Variants in CTIF observed in about 807,000 individuals in gnomAD.
The protein encoded by CTIF is cap binding complex dependent translation initiation factor.
A neutral mutation model predicts 66.0 loss-of-function variants in CTIF; 21 were observed. The ratio of observed to expected loss-of-function variants is 0.32; its 90% CI spans 0.23 to 0.46. CTIF has a LOEUF of 0.46. Ranked by LOEUF, CTIF falls within the 20% of genes least tolerant of loss-of-function variation. The probability of loss-of-function intolerance (pLI) is 1.00; values close to 1 mark genes in which losing one functional copy is unlikely to be tolerated. For missense variants in CTIF, 739 were observed against 812.7 expected (o/e 0.91, Z 1.10); for synonymous variants, 345 against 326.4 (o/e 1.06, Z -0.62).
At chr18:48,767,378 G>A (rs17766055) in intron 9 of CTIF, among the ~76,000 whole-genome samples, 19,559 of 152,118 alleles carry the variant, frequency 0.13, 1,407 homozygotes, top group Non-Finnish European at 0.17. Context: ...TCACTGCCCC[G>A]GGACGTCCAC....
At chr18:48,625,996 CTTTCTT>C (rs1263330717) in intron 2 of CTIF, among the ~76,000 whole-genome samples, 11 of 114,486 alleles carry the variant, frequency 9.6e-5, no homozygotes, top group African/African-American at 3.9e-4. Flanking sequence ...ATTTCTTTTT[CTTTCTT>C]TTTTTTTTTT....
intron 7 of CTIF, among the ~76,000 whole-genome samples, chr18:48,716,650 G>A (rs2092285102): frequency 6.6e-6 from 1 of 152,100 alleles, no homozygotes; most frequent in Admixed American, 6.5e-5. Context: ...TACATAGAAG[G>A]GAAAAGCCAC....
intron 9 of CTIF, among the ~76,000 whole-genome samples, chr18:48,784,329 G>C (rs184806872): frequency 6.6e-6 from 1 of 152,240 alleles, no homozygotes; most frequent in African/African-American, 2.4e-5. Context: ...TTGTCTAGGC[G>C]AATACAGGAG....
intron 10 of CTIF, among the ~76,000 whole-genome samples, chr18:48,844,568 G>C (rs1347683069): frequency 6.6e-6 from 1 of 152,192 alleles, no homozygotes; most frequent in Non-Finnish European, 1.5e-5. Context: ...CTGGTCCGCA[G>C]CTAGGGTGCC....
At chr18:48,831,424 G>C (rs2068688481) in intron 10 of CTIF, among the ~76,000 whole-genome samples, 1 of 152,270 alleles carries the variant, frequency 6.6e-6, no homozygotes, top group South Asian at 2.1e-4. Context: ...CCATGGGGAA[G>C]GGATTGTTGT....
rs569310834 is a variant in CTIF, at chr18:48,745,201, G to T, written c.585-12718G>T. 2.6e-5 allele frequency among the ~76,000 whole-genome samples: 4 copies of T among 152,224 alleles called. No individual in the cohort carries two copies. The South Asian group carries it at 6.2e-4, about 24-fold the overall frequency. On this transcript the variant is annotated intron_variant, in intron 7 of 11. Transcript: ENST00000256413. The stretch of plus-strand genomic sequence containing the variant: ...GAGTGACCAGTTATTTTTGTAGAAG[G>T]TCCCTCAGCGTCGGTTTCTCTGGCA...
chr18:48,811,257 T>C (rs1337692323), intron 9 of CTIF, among the ~76,000 whole-genome samples: 1 of 152,208 alleles, frequency 6.6e-6, no homozygotes, highest in East Asian at 1.9e-4. Context: ...ACCAAAATTA[T>C]AATGACTTAT....
intron 1 of CTIF, among the ~76,000 whole-genome samples, chr18:48,578,689 T>G (rs2089588429): frequency 6.6e-6 from 1 of 152,242 alleles, no homozygotes; most frequent in Admixed American, 6.5e-5. Flanking sequence ...ACTTTTAGTT[T>G]GGTTATTTGT....
intron 6 of CTIF, among the ~76,000 whole-genome samples, chr18:48,696,153 C>T (rs2092004578): frequency 6.6e-6 from 1 of 152,248 alleles, no homozygotes; most frequent in African/African-American, 2.4e-5. Context: ...AGATGCAATT[C>T]TGGAGGTGAA....
intron 6 of CTIF, among the ~76,000 whole-genome samples, chr18:48,684,390 A>G (rs1166970511): frequency 6.6e-6 from 1 of 151,862 alleles, no homozygotes; most frequent in East Asian, 1.9e-4. Flanking sequence ...ACATACCTTC[A>G]CTGTTTTTAC....
chr18:48,757,244 C>T (rs1169146130), intron 7 of CTIF, among the ~76,000 whole-genome samples: 4 of 152,172 alleles, frequency 2.6e-5, no homozygotes, highest in Admixed American at 2.6e-4. Flanking sequence ...CATGTCTTAT[C>T]TCCAAATACA....
chr18:48,546,669 C>A (rs551771210), intron 1 of CTIF, among the ~76,000 whole-genome samples: 1 of 152,022 alleles, frequency 6.6e-6, no homozygotes, highest in South Asian at 2.1e-4. Context: ...GCCTCAAAGC[C>A]CAAGGGTTTG....
intron 9 of CTIF, among the ~76,000 whole-genome samples, chr18:48,804,992 A>G (rs533073599): frequency 1.3e-5 from 2 of 152,344 alleles, no homozygotes; most frequent in South Asian, 2.1e-4. Context: ...CCCAAGTCAC[A>G]GGAACCAACT....
chr18:48,686,792 C>T (rs1367791461), intron 6 of CTIF, among the ~76,000 whole-genome samples: 7 of 152,106 alleles, frequency 4.6e-5, no homozygotes, highest in East Asian at 1.9e-4. Context: ...TTTGAGTCCT[C>T]GGAGATTTGC....
At chr18:48,718,120 G>T (rs1038253088) in intron 7 of CTIF, among the ~76,000 whole-genome samples, 3 of 152,156 alleles carry the variant, frequency 2.0e-5, no homozygotes, top group African/African-American at 4.8e-5. Context: ...CATAGATTTG[G>T]TCTGGCCATG....
chr18:48,808,193 G>A (rs1326865506), intron 9 of CTIF, among the ~76,000 whole-genome samples: 3 of 152,064 alleles, frequency 2.0e-5, no homozygotes, highest in Non-Finnish European at 2.9e-5. Flanking sequence ...GGAAAAAGAC[G>A]TTTTCATTCA....
At chr18:48,568,226 G>T (rs1382220824) in intron 1 of CTIF, 1 of 152,144 alleles carries the variant, frequency 6.6e-6, no homozygotes, top group East Asian at 1.9e-4. Context: ...ATAGCAAAAA[G>T]TAGGGGAGAA....
intron 7 of CTIF, among the ~76,000 whole-genome samples, chr18:48,722,811 G>T (rs1023889044): frequency 1.3e-5 from 2 of 151,888 alleles, no homozygotes; most frequent in Non-Finnish European, 2.9e-5. Context: ...CATACCCATC[G>T]GCGCTCATAG....
intron 9 of CTIF, among the ~76,000 whole-genome samples, chr18:48,778,921 A>G (rs1172948882): frequency 4.6e-5 from 7 of 152,192 alleles, no homozygotes; most frequent in Admixed American, 1.3e-4. Flanking sequence ...GCTGACAATG[A>G]TGCCACAAAG....
Sources: gnomAD v4.1 joint callset for allele counts (sites outside exome capture counted in the v4.1 genomes callset) on GRCh38, gnomAD v4.1.1 for gene constraint, MANE v1.5 for transcripts, NCBI Gene and HGNC (gene_info 2026-07-23, HGNC 2026-07-21) for gene names.